WNK3: variants seen among roughly 807,000 people sequenced by gnomAD.
The protein encoded by WNK3 is WNK lysine deficient protein kinase 3.
Under a neutral mutation model 116.7 loss-of-function variants are expected in WNK3, and 18 were observed. The ratio of observed to expected loss-of-function variants is 0.15; its 90% CI spans 0.11 to 0.23. The LOEUF (loss-of-function observed/expected upper bound fraction) is 0.23, where lower values mean the gene tolerates loss of function less well. Among genes scored for constraint, WNK3 ranks in the 10% least tolerant of loss-of-function variants. The pLI is 1.00. For synonymous variants in WNK3, 404 were observed against 469.4 expected, an observed-to-expected ratio of 0.86 and a Z score of 1.80; for missense variants, 993 against 1,323.8, an observed-to-expected ratio of 0.75 and a Z score of 3.88.
intron 4 of WNK3, among the ~76,000 whole-genome samples, chrX:54,308,426 G>A (rs2147165720): frequency 9.0e-6 from 1 of 110,761 alleles, no homozygotes; most frequent in South Asian, 3.9e-4. Flanking sequence ...TCCTGACCTC[G>A]TGATCCACCC....
At chrX:54,308,187 A>C in intron 4 of WNK3, 108 bp from the exon 5 acceptor site, 3 of 727,881 alleles carry the variant, frequency 4.1e-6, no homozygotes, top group Non-Finnish European at 3.8e-6. Context: ...TACTCCCCCA[A>C]AGCAAATTTC....
intron 2 of WNK3, among the ~76,000 whole-genome samples, chrX:54,325,100 A>C: frequency 8.9e-6 from 1 of 111,924 alleles, no homozygotes; most frequent in Non-Finnish European, 1.9e-5. Flanking sequence ...TCATTACTAT[A>C]ATGAAAGTAT....
intron 5 of WNK3, among the ~76,000 whole-genome samples, chrX:54,304,282 T>C (rs1306937411): frequency 1.8e-5 from 2 of 110,593 alleles, no homozygotes; most frequent in Non-Finnish European, 3.8e-5. Context: ...GTAATCCTAG[T>C]ACTTTAAGAG....
In WNK3 at chrX:54,293,299, T is replaced by C. The variant is rs782383506; in HGVS notation, c.1722A>G (p.Ala574=). The change falls in exon 9 of 24, where the codon GCA becomes GCG. Residue 574 remains alanine, a synonymous_variant. Transcript: ENST00000354646. ...TTGAAGTATCTGAATGTATAACTGA[T>C]GCAGCTCCTGCCTCAGACAAATTGT... 4 of 1,195,919 alleles carry C rather than the reference T, an allele frequency of 3.3e-6. No homozygotes were observed. In the African/African-American group the frequency reaches 5.3e-5, roughly 16 times the overall value.
rs77939821 is a variant in WNK3, at chrX:54,259,422, C to T, written c.2038-84G>A. 2.2e-3 allele frequency: 1,249 copies of T among 556,111 alleles called. 5 individuals are homozygous for T. Among genetic ancestry groups the T allele is most frequent in the Non-Finnish European group, 2.4e-3 (892 of 370,364 alleles). 45.8% of individuals were successfully genotyped at this position (556,111 alleles called of 1,213,427 possible). A position where few individuals can be genotyped will look rare whatever the true frequency, so the allele number is the denominator to read the frequency against. On this transcript the variant is annotated intron_variant, in intron 10 of 23. Transcript: ENST00000354646. Reference sequence around the variant, plus strand: ...ACAATTTGTTACTATTCAGAAAACACGATAGTTTTGGTTACCTTGCAAACC... The same window carrying T: ...ACAATTTGTTACTATTCAGAAAACATGATAGTTTTGGTTACCTTGCAAACC...
chrX:54,284,437 C>T (rs1267809402), intron 10 of WNK3, among the ~76,000 whole-genome samples: 3 of 110,978 alleles, frequency 2.7e-5, no homozygotes, highest in Non-Finnish European at 5.7e-5. Flanking sequence ...GCAGCCAATT[C>T]GGAAAACTTG....
chrX:54,298,334 C>T lies in WNK3; in HGVS notation c.1239G>A (p.Val413=), dbSNP rs146391543. The T allele has an allele frequency of 9.8e-4, 1,189 of 1,209,354 alleles. 5 individuals are homozygous for T. The East Asian group carries it at 0.021, about 21-fold the overall frequency. ...AGCAATCATCTTCTTCTGCTAACTC[C>T]ACCCTCAGTCCTGTATCCTCAGCAA... The change falls in exon 7 of 24, where the codon GTG becomes GTA. Residue 413 remains valine (V), a synonymous_variant. Transcript: ENST00000354646.
intron 23 of WNK3, 84 bp from the exon 24 acceptor site, chrX:54,198,737 T>A: frequency 1.4e-6 from 1 of 709,691 alleles, no homozygotes; most frequent in Non-Finnish European, 2.0e-6. Flanking sequence ...ATTCTTTTTT[T>A]TTCTATTGCT....
intron 3 of WNK3, among the ~76,000 whole-genome samples, chrX:54,310,410 G>A (rs2068873944): frequency 9.1e-6 from 1 of 109,441 alleles, no homozygotes; most frequent in Non-Finnish European, 1.9e-5. Flanking sequence ...AGCCAGGCAT[G>A]TTGCTGCATG....
At chrX:54,326,232 A>AGGCGT (rs2069102835) in intron 2 of WNK3, among the ~76,000 whole-genome samples, 1 of 108,925 alleles carries the variant, frequency 9.2e-6, no homozygotes, top group Middle Eastern at 4.3e-3. Context: ...CTGGGACTAC[A>AGGCGT]GATGCCCGCC....
At chrX:54,262,535 CTTTCT>C (rs2068266908) in intron 10 of WNK3, among the ~76,000 whole-genome samples, 1 of 111,305 alleles carries the variant, frequency 9.0e-6, no homozygotes, top group African/African-American at 3.3e-5. Flanking sequence ...TCACCCTTTC[CTTTCT>C]TATTTCTACC....
chrX:54,243,212 G>C (rs1460978992), intron 17 of WNK3, among the ~76,000 whole-genome samples: 2 of 106,853 alleles, frequency 1.9e-5, no homozygotes, highest in East Asian at 5.9e-4. Flanking sequence ...TCAGGAGATC[G>C]AGACCATCCT....
chrX:54,280,949 T>TA (rs1219005539), intron 10 of WNK3, among the ~76,000 whole-genome samples: 15 of 105,971 alleles, frequency 1.4e-4, no homozygotes, highest in East Asian at 8.8e-4. Flanking sequence ...GTTGAAAAAT[T>TA]AAAAAAAAAA....
At chrX:54,214,160 T>C (rs1183833919) in intron 22 of WNK3, among the ~76,000 whole-genome samples, 2 of 110,548 alleles carry the variant, frequency 1.8e-5, no homozygotes, top group Non-Finnish European at 3.8e-5. Context: ...TTTTTGTATT[T>C]TTAGTAGACA....
At chrX:54,295,102 T>C (rs2147116467) in intron 7 of WNK3, among the ~76,000 whole-genome samples, 1 of 108,876 alleles carries the variant, frequency 9.2e-6, no homozygotes, top group Non-Finnish European at 1.9e-5. Context: ...TTTCACTGTG[T>C]TGGCCAGGCT....
intron 1 of WNK3, among the ~76,000 whole-genome samples, chrX:54,337,943 C>T (rs2147277860): frequency 9.2e-6 from 1 of 108,133 alleles, no homozygotes; most frequent in South Asian, 4.1e-4. Flanking sequence ...TGGCATGTGC[C>T]TGTAGCCCAA....
chrX:54,259,408 C>T, intron 10 of WNK3, 70 bp from the exon 11 acceptor site: 1 of 678,402 alleles, frequency 1.5e-6, no homozygotes, highest in South Asian at 4.1e-5. Flanking sequence ...CAATTTGTTA[C>T]TATTCAGAAA....
At chrX:54,284,703 G>A (rs990221949) in intron 10 of WNK3, among the ~76,000 whole-genome samples, 8 of 111,967 alleles carry the variant, frequency 7.1e-5, no homozygotes, top group Non-Finnish European at 1.5e-4. Flanking sequence ...GGGCATGGTG[G>A]CTTGTGCCTA....
chrX:54,261,784 A>C (rs1381420351), intron 10 of WNK3, among the ~76,000 whole-genome samples: 1 of 112,197 alleles, frequency 8.9e-6, no homozygotes, highest in Non-Finnish European at 1.9e-5. Flanking sequence ...TAATGGTGCA[A>C]GTAAGGGAGA....
Sources: gnomAD v4.1 joint callset for allele counts (sites outside exome capture counted in the v4.1 genomes callset) on GRCh38, gnomAD v4.1.1 for gene constraint, MANE v1.5 for transcripts, NCBI Gene and HGNC (gene_info 2026-07-23, HGNC 2026-07-21) for gene names.